PITPNA: variants seen among roughly 807,000 people sequenced by gnomAD.
PITPNA encodes the protein phosphatidylinositol transfer protein alpha isoform.
A neutral mutation model predicts 50.3 loss-of-function variants in PITPNA; 13 were observed. The ratio of observed to expected loss-of-function variants is 0.26; its 90% CI spans 0.17 to 0.41. PITPNA has a LOEUF of 0.41. PITPNA is among the 10% of genes least tolerant of loss of function. The probability of loss-of-function intolerance (pLI) is 1.00; values close to 1 mark genes in which losing one functional copy is unlikely to be tolerated. For missense variants in PITPNA, 207 were observed against 333.4 expected (o/e 0.62, Z 2.95); for synonymous variants, 120 against 119.6 (o/e 1.00, Z -0.02).
chr17:1,553,218 CAGTA>C, intron 2 of PITPNA, 69 bp from the exon 3 acceptor site: 23 of 1,541,602 alleles, frequency 1.5e-5, no homozygotes, highest in Non-Finnish European at 2.1e-5. Context: ...ATCCAGCTGC[CAGTA>C]AGTGTCTAAC....
At chr17:1,547,103 T>C (rs2075678833) in intron 4 of PITPNA, among the ~76,000 whole-genome samples, 1 of 149,690 alleles carries the variant, frequency 6.7e-6, no homozygotes, top group Non-Finnish European at 1.5e-5. Flanking sequence ...CTCATGCCTG[T>C]AATGCCAGCA....
At chr17:1,523,684 G>A (rs908887346) in intron 10 of PITPNA, among the ~76,000 whole-genome samples, 2 of 151,392 alleles carry the variant, frequency 1.3e-5, no homozygotes, top group Non-Finnish European at 2.9e-5. Flanking sequence ...ATTTTTTTTT[G>A]TATTTTAATA....
intron 2 of PITPNA, among the ~76,000 whole-genome samples, chr17:1,553,384 A>C (rs541151995): frequency 2.8e-4 from 43 of 151,730 alleles, no homozygotes; most frequent in South Asian, 6.3e-4. Context: ...TTTTCACACC[A>C]CCCATCAGGG....
At chr17:1,538,721 C>G (rs1018156388) in intron 7 of PITPNA, 148 bp downstream of exon 7, 5 of 572,170 alleles carry the variant, frequency 8.7e-6, no homozygotes, top group South Asian at 2.3e-5. Flanking sequence ...GACAAGAAAT[C>G]TCCTAATACT....
chr17:1,548,128 T>C (rs117723243), intron 4 of PITPNA, among the ~76,000 whole-genome samples, 168 bp downstream of exon 4: 1 of 152,292 alleles, frequency 6.6e-6, no homozygotes, highest in East Asian at 1.9e-4. Flanking sequence ...GACCGGTGCT[T>C]CTCGCCCTGC....
rs1306941785 is a variant in PITPNA, at chr17:1,519,726, G to T, written c.*835C>A. On this transcript the variant is annotated 3_prime_UTR_variant, in exon 12 of 12. Transcript: ENST00000313486. ...GAGCAGGGACTTACAGAGCTCCTCGGGGTCAGACAGTTGGTATCTAGGGGG... is the reference window on the plus strand; with the variant it reads ...GAGCAGGGACTTACAGAGCTCCTCGTGGTCAGACAGTTGGTATCTAGGGGG... 1 of 152,520 alleles carries T rather than the reference G, an allele frequency of 6.6e-6. No homozygotes were observed. The highest frequency in any genetic ancestry group is 1.5e-5 in the Non-Finnish European group (1 of 68,066). 9.4% of individuals were successfully genotyped at this position (152,520 alleles called of 1,614,324 possible). A position where few individuals can be genotyped will look rare whatever the true frequency, so the allele number is the denominator to read the frequency against.
intron 10 of PITPNA, among the ~76,000 whole-genome samples, chr17:1,523,182 T>G (rs2151001462): frequency 6.6e-6 from 1 of 152,322 alleles, no homozygotes. Context: ...GTAGACGTCA[T>G]CTCTCTAAAA....
intron 7 of PITPNA, among the ~76,000 whole-genome samples, chr17:1,536,504 T>C (rs193067291): frequency 5.3e-5 from 8 of 152,070 alleles, no homozygotes; most frequent in South Asian, 4.1e-4. Context: ...TTAGCCAGGA[T>C]GGTCTCGATC....
chr17:1,525,714 C>T (rs1002015713), intron 10 of PITPNA, among the ~76,000 whole-genome samples: 3 of 152,070 alleles, frequency 2.0e-5, no homozygotes, highest in African/African-American at 7.2e-5. Context: ...GACGAGGTTT[C>T]TCCATGTTGG....
intron 2 of PITPNA, among the ~76,000 whole-genome samples, chr17:1,554,484 TCTC>T (rs1325386274): frequency 2.0e-5 from 3 of 149,692 alleles, no homozygotes; most frequent in Non-Finnish European, 1.5e-5. Context: ...TTCAAGTGAT[TCTC>T]CTGCCTCCTG....
chr17:1,540,519 G>C (rs1022900344), intron 6 of PITPNA, among the ~76,000 whole-genome samples: 1 of 152,034 alleles, frequency 6.6e-6, no homozygotes, highest in African/African-American at 2.4e-5. Flanking sequence ...GTTTTTCCAT[G>C]GCTGCAAGGA....
At chr17:1,526,459 T>C (rs887572862) in intron 10 of PITPNA, among the ~76,000 whole-genome samples, 2 of 152,228 alleles carry the variant, frequency 1.3e-5, no homozygotes, top group Non-Finnish European at 2.9e-5. Flanking sequence ...TTCTTGCCTA[T>C]TTTCTGTTAA....
intron 10 of PITPNA, among the ~76,000 whole-genome samples, chr17:1,522,963 G>T (rs2075524145): frequency 6.6e-6 from 1 of 152,314 alleles, no homozygotes; most frequent in East Asian, 1.9e-4. Flanking sequence ...TCCCGGCAGA[G>T]TAACAGAACT....
At position 1,535,131 on chromosome 17, in the gene PITPNA, C is replaced by G. The variant is rs142610826; in HGVS notation, c.645+51G>C. 2.1e-3 allele frequency: 2,406 copies of G among 1,154,310 alleles called. 46 individuals carry two copies. In the African/African-American group the frequency reaches 0.03, roughly 15 times the overall value. The allele number at this position is 1,154,310 out of a possible 1,614,324, so 71.5% of individuals were successfully genotyped here. On this transcript the variant is annotated intron_variant, in intron 9 of 11. Transcript: ENST00000313486. ...TATGGATGAAGTTCTCCACCACCCC[C>G]CCACAACACACACACGCAGTCACTG...
chr17:1,538,794 G>T, intron 7 of PITPNA, 75 bp downstream of exon 7: 1 of 867,368 alleles, frequency 1.2e-6, no homozygotes. Context: ...GTTGGGTATG[G>T]TTTCCTGGTT....
chr17:1,555,455 G>A (rs2075730487), intron 2 of PITPNA, among the ~76,000 whole-genome samples: 1 of 152,164 alleles, frequency 6.6e-6, no homozygotes, highest in Non-Finnish European at 1.5e-5. Context: ...AGACTCGGAT[G>A]GGGCAGAGAT....
chr17:1,552,966 A>G (rs1305505375), intron 3 of PITPNA, 38 bp downstream of exon 3: 13 of 1,609,020 alleles, frequency 8.1e-6, no homozygotes, highest in Non-Finnish European at 1.1e-5. Flanking sequence ...ACACACACAC[A>G]AAAGCCAGCA....
chr17:1,535,103 C>T, intron 9 of PITPNA, 79 bp downstream of exon 9: 1 of 881,722 alleles, frequency 1.1e-6, no homozygotes, highest in Non-Finnish European at 1.9e-6. Flanking sequence ...GAGCTACTCA[C>T]CTTATGGATG....
At chr17:1,556,011 C>T (rs2075733152) in intron 2 of PITPNA, among the ~76,000 whole-genome samples, 3 of 152,214 alleles carry the variant, frequency 2.0e-5, no homozygotes, top group African/African-American at 4.8e-5. Flanking sequence ...CAGAAAACTG[C>T]AAAGGCCTCA....
Sources: gnomAD v4.1 joint callset for allele counts (sites outside exome capture counted in the v4.1 genomes callset) on GRCh38, gnomAD v4.1.1 for gene constraint, MANE v1.5 for transcripts, NCBI Gene and HGNC (gene_info 2026-07-23, HGNC 2026-07-21) for gene names.